The following KLK6 variants were observed in gnomAD, a reference collection of about 807,000 sequenced individuals.
KLK6 encodes kallikrein related peptidase 6.
Under a neutral mutation model 21.7 loss-of-function variants are expected in KLK6, and 16 were observed. That is an observed-to-expected ratio of 0.74 (90% CI 0.50 to 1.12). KLK6 has a LOEUF of 1.12. KLK6 is among the 50% of genes most tolerant of loss of function. KLK6 has a pLI of 0.00. For synonymous variants in KLK6, 116 were observed against 120.1 expected (o/e 0.97, Z 0.22); for missense variants, 276 against 304.6 (o/e 0.91, Z 0.70).
chr19:50,962,101 T>C, intron 5 of KLK6: 1 of 490,494 alleles, frequency 2.0e-6, no homozygotes, highest in South Asian at 3.1e-5. Flanking sequence ...TTGGCTGTCT[T>C]CCTCATTAAT....
At chr19:50,964,630 TG>T (rs2090897098) in intron 4 of KLK6, among the ~76,000 whole-genome samples, 2 of 152,340 alleles carry the variant, frequency 1.3e-5, no homozygotes, top group Admixed American at 1.3e-4. Flanking sequence ...GATGTCAAGA[TG>T]GGGATTTTTG....
intron 2 of KLK6, 157 bp downstream of exon 2, chr19:50,968,384 T>C (rs888985433): frequency 7.5e-6 from 4 of 535,114 alleles, no homozygotes; most frequent in Non-Finnish European, 1.3e-5. Context: ...TTCTACTTTC[T>C]TGGGCACTGA....
At chr19:50,968,031 G>A (rs2090954934) in intron 3 of KLK6, 34 bp downstream of exon 3, 1 of 1,606,002 alleles carries the variant, frequency 6.2e-7, no homozygotes, top group Non-Finnish European at 8.5e-7. Flanking sequence ...AACCCTGTCT[G>A]CAAGCCTCCC....
Position 50,963,492 on chromosome 19 carries a change from C to T in KLK6, c.255G>A (p.Glu85=). 1 of 1,614,178 alleles carries T rather than the reference C, an allele frequency of 6.2e-7. No individual in the cohort carries two copies. Among genetic ancestry groups the T allele is most frequent in the Non-Finnish European group, 8.5e-7 (1 of 1,180,034 alleles). The part of the protein sequence containing the change: ...HNLRQRESSQ[E]QSSVVRAVIH... ...TCACAGCCCGGACAACAGAACTCTGCTCCTGGGAACTCTCCCTTTGCCGAA... is the reference window on the plus strand; with the variant it reads ...TCACAGCCCGGACAACAGAACTCTGTTCCTGGGAACTCTCCCTTTGCCGAA... Residue 85 remains glutamate, a synonymous_variant, in exon 5 of 7, where the codon GAG becomes GAA. Transcript: ENST00000310157.
intron 5 of KLK6, 150 bp from the exon 6 acceptor site, chr19:50,962,030 A>G: frequency 1.2e-6 from 1 of 817,396 alleles, no homozygotes; most frequent in Non-Finnish European, 1.8e-6. Context: ...TCATTCTTAC[A>G]TCTCATTACC....
chr19:50,967,992 A>G, intron 3 of KLK6, 73 bp downstream of exon 3: 1 of 1,389,866 alleles, frequency 7.2e-7, no homozygotes, highest in Non-Finnish European at 1.0e-6. Flanking sequence ...CCCATCCCCA[A>G]TACCAGCCTC....
At chr19:50,961,986 C>T (rs2090849967) in intron 5 of KLK6, 106 bp from the exon 6 acceptor site, 7 of 1,237,876 alleles carry the variant, frequency 5.7e-6, no homozygotes, top group Non-Finnish European at 7.7e-6. Context: ...ATTGGTCCCT[C>T]TTTTCTATTG....
At chr19:50,964,141 G>A (rs2090890613) in intron 4 of KLK6, among the ~76,000 whole-genome samples, 1 of 152,084 alleles carries the variant, frequency 6.6e-6, no homozygotes, top group Non-Finnish European at 1.5e-5. Flanking sequence ...GTCTTGCCTT[G>A]AACACAATAG....
chr19:50,960,038 C>T (rs909750082), intron 6 of KLK6, among the ~76,000 whole-genome samples: 4 of 42,742 alleles, frequency 9.4e-5, no homozygotes, highest in African/African-American at 2.8e-4. Context: ...AGGGGGAAGA[C>T]GAGGAGGAGG....
intron 3 of KLK6, 27 bp from the exon 4 acceptor site, chr19:50,967,352 G>A (rs371946591): frequency 1.9e-6 from 3 of 1,574,044 alleles, no homozygotes; most frequent in Non-Finnish European, 2.6e-6. Flanking sequence ...CTGAGTCAGA[G>A]AGGAGTTCTG....
chr19:50,963,619 G>A (rs1216127663), intron 4 of KLK6, 70 bp from the exon 5 acceptor site: 2 of 1,575,802 alleles, frequency 1.3e-6, no homozygotes, highest in Non-Finnish European at 1.7e-6. Context: ...AGAGGGCTGG[G>A]AAGTCATGAA....
At chr19:50,963,255 C>T in intron 5 of KLK6, 47 bp downstream of exon 5, 1 of 1,581,970 alleles carries the variant, frequency 6.3e-7, no homozygotes, top group Non-Finnish European at 8.6e-7. Context: ...TGGCACACTT[C>T]CCCAAGTAGC....
intron 5 of KLK6, 34 bp downstream of exon 5, chr19:50,963,268 G>A (rs2123636046): frequency 3.1e-6 from 5 of 1,595,956 alleles, no homozygotes; most frequent in South Asian, 1.1e-5. Flanking sequence ...CAAGTAGCCA[G>A]TAGCCTGCTC....
intron 6 of KLK6, among the ~76,000 whole-genome samples, chr19:50,960,821 T>C (rs2090830094): frequency 6.6e-6 from 1 of 152,068 alleles, no homozygotes; most frequent in Non-Finnish European, 1.5e-5. Context: ...TGGAGTGCAG[T>C]AGCATGATCT....
At chr19:50,967,460 T>A (rs79880520) in intron 3 of KLK6, 135 bp from the exon 4 acceptor site, 1 of 797,842 alleles carries the variant, frequency 1.3e-6, no homozygotes, top group Admixed American at 3.0e-5. Flanking sequence ...GGAGGATCGC[T>A]TGAGCCCAGG....
In KLK6 at chr19:50,963,565, G is replaced by A. The variant is rs1335192465; in HGVS notation, c.198-16C>T. The A allele has an allele frequency of 6.2e-7, 1 of 1,613,490 alleles. No individual in the cohort carries two copies. Among genetic ancestry groups the A allele is most frequent in the Non-Finnish European group, 8.5e-7 (1 of 1,179,700 alleles). ...CTGAAGATTCCTGGGAAGGAAGAGGGCTGGGTCTCACCTGGAGCCCTTGGG... is the reference window on the plus strand; with the variant it reads ...CTGAAGATTCCTGGGAAGGAAGAGGACTGGGTCTCACCTGGAGCCCTTGGG... On this transcript the variant is annotated splice_polypyrimidine_tract_variant and intron_variant, in intron 4 of 6. Coordinates refer to ENST00000310157, the MANE Select transcript of KLK6 (RefSeq NM_002774.4).
chr19:50,967,191 T>G lies in KLK6; in HGVS notation c.175A>C (p.Thr59Pro). ...GVLIHPLWVL[T>P]AAHCKKPNLQ... ...CACGGTTTTTTGCAGTGGGCAGCTG[T>G]GAGGACCCACAGTGGATGGATAAGG... The change falls in exon 4 of 7, where the codon ACA (threonine) becomes CCA (proline). Residue 59 changes from threonine (T) to proline (P), a missense_variant. Coordinates refer to ENST00000310157, the MANE Select transcript of KLK6 (RefSeq NM_002774.4). The G allele has an allele frequency of 1.2e-6, 2 of 1,612,670 alleles. No individual in the cohort carries two copies. The highest frequency in any genetic ancestry group is 1.7e-6 in the Non-Finnish European group (2 of 1,179,576).
At chr19:50,968,463 T>G in intron 2 of KLK6, 78 bp downstream of exon 2, 1 of 323,836 alleles carries the variant, frequency 3.1e-6, no homozygotes, top group Admixed American at 4.2e-5. Flanking sequence ...TATGGGAGTT[T>G]TCCTCGGAGC....
Position 50,959,085 on chromosome 19 carries a change from G to A in KLK6, c.*79C>T. 2 of 1,505,830 alleles carry A rather than the reference G, an allele frequency of 1.3e-6. No homozygotes were observed. The highest frequency in any genetic ancestry group is 1.8e-6 in the Non-Finnish European group (2 of 1,086,898). The allele number at this position is 1,505,830 out of a possible 1,614,324, so 93.3% of individuals were successfully genotyped here. A position where few individuals can be genotyped will look rare whatever the true frequency, so the allele number is the denominator to read the frequency against. On this transcript the variant is annotated 3_prime_UTR_variant, in exon 7 of 7. Transcript: ENST00000310157. The stretch of plus-strand genomic sequence containing the variant: ...GTCAGAGCTGGGCAGGAGAGGAGGG[G>A]AGGCAAGGTCTAGGTGAGAGACGTT...
Sources: gnomAD v4.1 joint callset for allele counts (sites outside exome capture counted in the v4.1 genomes callset) on GRCh38, gnomAD v4.1.1 for gene constraint, MANE v1.5 for transcripts, NCBI Gene and HGNC (gene_info 2026-07-23, HGNC 2026-07-21) for gene names.